PLRG1: variants seen among roughly 807,000 people sequenced by gnomAD.
PLRG1 encodes pleiotropic regulator 1 (PRL1 homolog, Arabidopsis).
PLRG1 carries 28 observed loss-of-function variants against 74.9 expected under a neutral mutation model. That is an observed-to-expected ratio of 0.37 (90% CI 0.28 to 0.51). The LOEUF is 0.51. Among genes scored for constraint, PLRG1 ranks in the 20% least tolerant of loss-of-function variants. The probability of loss-of-function intolerance (pLI) is 0.91; values close to 1 mark genes in which losing one functional copy is unlikely to be tolerated. For synonymous variants in PLRG1, 197 were observed against 212.4 expected (o/e 0.93, Z 0.63); for missense variants, 445 against 631.9 (o/e 0.70, Z 3.17).
chr4:154,539,265 CA>C (rs746977337), intron 11 of PLRG1, 52 bp from the exon 12 acceptor site: 3 of 1,039,662 alleles, frequency 2.9e-6, no homozygotes, highest in Non-Finnish European at 3.0e-6. Flanking sequence ...AAAAATAATG[CA>C]AAAGTTAAAT....
Position 154,550,339 on chromosome 4 carries a change from G to A in PLRG1, c.-31C>T, listed in dbSNP as rs1312557403. ...TACCGTGTATCCCACCTCCGGCAGG[G>A]AAGAAACTCTAATCACTAACGCAGT... On this transcript the variant is annotated 5_prime_UTR_variant, in exon 1 of 15. Coordinates refer to ENST00000499023, the MANE Select transcript of PLRG1 (RefSeq NM_002669.4). 1.2e-6 allele frequency: 2 copies of A among 1,609,588 alleles called. No individual in the cohort carries two copies. The highest frequency in any genetic ancestry group is 2.2e-5 in the East Asian group (1 of 44,854).
At chr4:154,543,323 T>A (rs1308475712) in intron 7 of PLRG1, among the ~76,000 whole-genome samples, 2 of 152,022 alleles carry the variant, frequency 1.3e-5, no homozygotes, top group Non-Finnish European at 2.9e-5. Flanking sequence ...AATTTTTGTA[T>A]TTTTTTGTAG....
At chr4:154,544,663 A>G in intron 6 of PLRG1, 117 bp from the exon 7 acceptor site, 1 of 622,326 alleles carries the variant, frequency 1.6e-6, no homozygotes, top group Non-Finnish European at 2.8e-6. Flanking sequence ...CCATAAATGA[A>G]GAAATACAAT....
chr4:154,539,004 C>A, intron 12 of PLRG1, 101 bp downstream of exon 12: 1 of 735,628 alleles, frequency 1.4e-6, no homozygotes, highest in Non-Finnish European at 2.5e-6. Context: ...GAAATGACAG[C>A]AGCTAAATGA....
At chr4:154,540,373 T>G in intron 10 of PLRG1, 4 of 587,082 alleles carry the variant, frequency 6.8e-6, no homozygotes, top group Non-Finnish European at 1.2e-5. Flanking sequence ...GAATATCACA[T>G]TTCAGGGGCA....
chr4:154,550,361 C>A lies in PLRG1; in HGVS notation c.-53G>T, dbSNP rs913002446. 1 of 1,565,428 alleles carries A rather than the reference C, an allele frequency of 6.4e-7. No homozygotes were observed. Among genetic ancestry groups the A allele is most frequent in the Admixed American group, 1.7e-5 (1 of 59,972 alleles). On this transcript the variant is annotated 5_prime_UTR_variant, in exon 1 of 15. Coordinates refer to ENST00000499023, the MANE Select transcript of PLRG1 (RefSeq NM_002669.4). The stretch of plus-strand genomic sequence containing the variant: ...AGGGAAGAAACTCTAATCACTAACG[C>A]AGTACCCGCCGCCACAGCTGTGCAG...
chr4:154,549,065 T>C (rs1232348613), intron 1 of PLRG1, 130 bp from the exon 2 acceptor site: 2 of 656,088 alleles, frequency 3.0e-6, no homozygotes, highest in East Asian at 6.2e-5. Flanking sequence ...TAGCTACTTG[T>C]TGCAAGCTAC....
intron 11 of PLRG1, among the ~76,000 whole-genome samples, 198 bp downstream of exon 11, chr4:154,539,753 A>G (rs1024168072): frequency 1.6e-4 from 24 of 152,144 alleles, no homozygotes; most frequent in Non-Finnish European, 3.1e-4. Context: ...ATACTCTATG[A>G]TATGTAAAAA....
rs1352026315 is a variant in PLRG1, at chr4:154,546,233, A to G, written c.314-20T>C. ...CAACCCCTATTAAAATGAAAAATCA[A>G]CTTCTTTTAGTAGCTGTGTATTATT... On this transcript the variant is annotated intron_variant, in intron 4 of 14. Transcript: ENST00000499023. 2.2e-6 allele frequency: 3 copies of G among 1,342,748 alleles called. No individual in the cohort carries two copies. The highest frequency in any genetic ancestry group is 3.2e-6 in the Non-Finnish European group (3 of 936,368). 83.2% of individuals were successfully genotyped at this position (1,342,748 alleles called of 1,614,324 possible).
rs1729451786 is a variant in PLRG1 at position 154,536,441 on chromosome 4, A to T, written c.*244T>A. On this transcript the variant is annotated 3_prime_UTR_variant, in exon 15 of 15. Transcript: ENST00000499023. ...ACATCTAGAATAGTTATGTTCAATA[A>T]ACCTGCATTTACTTGATATCTGCAT... 2 of 402,128 alleles carry T rather than the reference A, an allele frequency of 5.0e-6. No homozygotes were observed. The highest frequency in any genetic ancestry group is 4.3e-5 in the Admixed American group (1 of 23,170). The allele number at this position is 402,128 out of a possible 1,614,324, so 24.9% of individuals were successfully genotyped here. A position where few individuals can be genotyped will look rare whatever the true frequency, so the allele number is the denominator to read the frequency against.
At chr4:154,540,246 C>A in intron 10 of PLRG1, 193 bp from the exon 11 acceptor site, 1 of 581,408 alleles carries the variant, frequency 1.7e-6, no homozygotes. Flanking sequence ...TGCAAGAATT[C>A]TAAAAAGCTA....
intron 3 of PLRG1, 159 bp downstream of exon 3, chr4:154,547,552 T>C (rs918861581): frequency 1.5e-6 from 1 of 657,506 alleles, no homozygotes; most frequent in East Asian, 2.7e-5. Context: ...TCAACAGTAT[T>C]CCCATGAGGA....
intron 7 of PLRG1, chr4:154,544,023 T>C (rs1729603264): frequency 6.1e-6 from 1 of 164,060 alleles, no homozygotes; most frequent in African/African-American, 2.4e-5. Flanking sequence ...GTGTATGTGC[T>C]GCTGAAGTTA....
intron 11 of PLRG1, 73 bp from the exon 12 acceptor site, chr4:154,539,286 A>C: frequency 1.1e-6 from 1 of 918,998 alleles, no homozygotes; most frequent in South Asian, 1.4e-5. Flanking sequence ...TAAAATACAA[A>C]GCATTCTTCC....
rs1206321258 is a variant in PLRG1 at position 154,540,749 on chromosome 4, G to T, written c.837+36C>A. The T allele has an allele frequency of 2.5e-6, 4 of 1,608,746 alleles. No individual in the cohort carries two copies. The East Asian group carries it at 8.9e-5, about 36-fold the overall frequency. On this transcript the variant is annotated intron_variant, in intron 9 of 14. Coordinates refer to ENST00000499023, the MANE Select transcript of PLRG1 (RefSeq NM_002669.4). ...TCTAGAATTAGAAAGATAAATAGTA[G>T]TTCACAATGTTTTAAATCCTTAACT... is the stretch of plus-strand genomic sequence containing the variant.
At chr4:154,541,673 C>A (rs1729557603) in intron 8 of PLRG1, among the ~76,000 whole-genome samples, 1 of 152,070 alleles carries the variant, frequency 6.6e-6, no homozygotes, top group Admixed American at 6.5e-5. Context: ...AAATTTTTCA[C>A]AGGAATATGC....
intron 10 of PLRG1, 24 bp from the exon 11 acceptor site, chr4:154,540,077 T>A (rs1228668791): frequency 8.2e-7 from 1 of 1,212,168 alleles, no homozygotes. Context: ...ATAGACATAT[T>A]AGGAAAGAGA....
Position 154,536,661 on chromosome 4 carries a change from G to C in PLRG1, c.*24C>G, listed in dbSNP as rs1451261559. ...TTTTTTAATTAAAAAGAAAAAAAAAGAGAGAGAAAAAATTCCACATTCATT... is the reference window on the plus strand; with the variant it reads ...TTTTTTAATTAAAAAGAAAAAAAAACAGAGAGAAAAAATTCCACATTCATT... On this transcript the variant is annotated 3_prime_UTR_variant, in exon 15 of 15. Transcript: ENST00000499023. The C allele has an allele frequency of 8.1e-7, 1 of 1,238,666 alleles. No homozygotes were observed. Among genetic ancestry groups the C allele is most frequent in the South Asian group, 1.3e-5 (1 of 74,828 alleles). The allele number at this position is 1,238,666 out of a possible 1,614,324, so 76.7% of individuals were successfully genotyped here. A position where few individuals can be genotyped will look rare whatever the true frequency, so the allele number is the denominator to read the frequency against.
chr4:154,547,134 T>C, intron 3 of PLRG1, 70 bp from the exon 4 acceptor site: 1 of 1,067,226 alleles, frequency 9.4e-7, no homozygotes, highest in Non-Finnish European at 1.5e-6. Context: ...TCTTTAAATG[T>C]ATCAAGTAAT....
Sources: gnomAD v4.1 joint callset for allele counts (sites outside exome capture counted in the v4.1 genomes callset) on GRCh38, gnomAD v4.1.1 for gene constraint, MANE v1.5 for transcripts, NCBI Gene and HGNC (gene_info 2026-07-23, HGNC 2026-07-21) for gene names.